PARD3B: variants seen among roughly 807,000 people sequenced by gnomAD.
PARD3B encodes par-3 family cell polarity regulator beta, also known as partitioning defective 3 homolog B.
In PARD3B, 103 loss-of-function variants were observed where a neutral mutation model predicts 130.2. That is an observed-to-expected ratio of 0.79 (90% CI 0.67 to 0.93). The LOEUF is 0.93. Among genes scored for constraint, PARD3B ranks in the 40% least tolerant of loss-of-function variants. The probability of loss-of-function intolerance (pLI) is 0.00; values close to 1 mark genes in which losing one functional copy is unlikely to be tolerated. For missense variants in PARD3B, 1,609 were observed against 1,499.2 expected (o/e 1.07, Z -1.21); for synonymous variants, 583 against 553.2 (o/e 1.05, Z -0.76).
chr2:205,275,837 CAAAAAAAAAAAAA>C (rs59238795), intron 16 of PARD3B, among the ~76,000 whole-genome samples: 6 of 60,652 alleles, frequency 9.9e-5, no homozygotes, highest in African/African-American at 1.9e-4. Flanking sequence ...AACTTTGTCT[CAAAAAAAAAAAAA>C]AAAAAAAAAA....
At chr2:205,275,421 C>T (rs1025257198) in intron 16 of PARD3B, among the ~76,000 whole-genome samples, 2 of 152,138 alleles carry the variant, frequency 1.3e-5, no homozygotes, top group African/African-American at 4.8e-5. Flanking sequence ...GGAGTCACCA[C>T]CCTCTTTAGA....
intron 1 of PARD3B, among the ~76,000 whole-genome samples, chr2:204,598,995 G>C (rs2033404776): frequency 6.6e-6 from 1 of 151,366 alleles, no homozygotes; most frequent in Non-Finnish European, 1.5e-5. Flanking sequence ...GAAGTTAATT[G>C]TTGCTCTATG....
intron 18 of PARD3B, among the ~76,000 whole-genome samples, chr2:205,346,972 C>T (rs2043818091): frequency 6.6e-6 from 1 of 151,922 alleles, no homozygotes; most frequent in African/African-American, 2.4e-5. Flanking sequence ...TGGCTGAACA[C>T]AGTGAGTACA....
rs901684663 is a variant in PARD3B at position 204,799,567 on chromosome 2, A to T, written c.222+113285A>T. On this transcript the variant is annotated intron_variant, in intron 2 of 22. Transcript: ENST00000406610. The surrounding 1 kb of genome is among the most constrained non-coding windows in gnomAD (Gnocchi z 4.1). The stretch of plus-strand genomic sequence containing the variant: ...TCACTGTGGGTCTTTGGAGAGACCC[A>T]GTGCTATGCTGGCTTCAGGTGTGAC... 5.9e-5 allele frequency among the ~76,000 whole-genome samples: 9 copies of T among 152,196 alleles called. No homozygotes were observed. Among genetic ancestry groups the T allele is most frequent in the African/African-American group, 2.2e-4 (9 of 41,458 alleles).
At chr2:205,044,544 C>G (rs1311253511) in intron 3 of PARD3B, among the ~76,000 whole-genome samples, 1 of 151,274 alleles carries the variant, frequency 6.6e-6, no homozygotes, top group African/African-American at 2.4e-5. Flanking sequence ...ATTTGCATTT[C>G]TCTGATGGCC....
intron 4 of PARD3B, among the ~76,000 whole-genome samples, chr2:205,068,542 T>C (rs1471679716): frequency 1.3e-5 from 2 of 151,212 alleles, no homozygotes; most frequent in East Asian, 3.9e-4. Context: ...TCCTTTATTT[T>C]AGTTTTAAGT....
Position 205,015,211 on chromosome 2 carries a change from GA to G in PARD3B, c.395-32364del, listed in dbSNP as rs1326147585. Among the ~76,000 whole-genome samples, 1 of 152,158 alleles carries G rather than the reference GA, an allele frequency of 6.6e-6. No homozygotes were observed. The highest frequency in any genetic ancestry group is 2.4e-5 in the African/African-American group (1 of 41,530). On this transcript the variant is annotated intron_variant, in intron 3 of 22. Transcript: ENST00000406610. The surrounding 1 kb of genome is among the most constrained non-coding windows in gnomAD (Gnocchi z 4.5). Reference sequence around the variant, plus strand: ...TTACAATAAAGTAAGCTAGAGGAAAGAAAAAATTATCAAGGAAATCATAAGG... The same window carrying G: ...TTACAATAAAGTAAGCTAGAGGAAAGAAAAATTATCAAGGAAATCATAAGG...
chr2:205,549,238 T>C (rs2052511727), intron 21 of PARD3B, among the ~76,000 whole-genome samples: 1 of 152,194 alleles, frequency 6.6e-6, no homozygotes, highest in African/African-American at 2.4e-5. Flanking sequence ...GGTGGTTTCT[T>C]GCGAAACTAA....
At position 205,066,881 on chromosome 2, in the gene PARD3B, G is replaced by A. The variant is rs142816454; in HGVS notation, c.504+19191G>A. Among the ~76,000 whole-genome samples the A allele has an allele frequency of 7.5e-3, 1,136 of 151,898 alleles. 14 individuals are homozygous for A. The highest frequency in any genetic ancestry group is 0.026 in the African/African-American group (1,080 of 41,424). On this transcript the variant is annotated intron_variant, in intron 4 of 22. Coordinates refer to ENST00000406610, the MANE Select transcript of PARD3B (RefSeq NM_001302769.2). ...TTCAGTTTTTCCTCATGTCTTTCAA[G>A]TGTCCAAAAATACCCTGGATGAGTT...
At chr2:205,519,662 T>G (rs1381592182) in intron 21 of PARD3B, among the ~76,000 whole-genome samples, 1 of 152,242 alleles carries the variant, frequency 6.6e-6, no homozygotes, top group African/African-American at 2.4e-5. Context: ...TCTGGCCATT[T>G]GAGTTACTGG....
At chr2:205,371,936 A>G (rs2044834329) in intron 18 of PARD3B, among the ~76,000 whole-genome samples, 2 of 152,208 alleles carry the variant, frequency 1.3e-5, no homozygotes, top group Middle Eastern at 3.4e-3. Context: ...GGCTTCTTTC[A>G]CTTAGCATAG....
chr2:204,826,291 A>G (rs1347554928), intron 2 of PARD3B, among the ~76,000 whole-genome samples: 1 of 152,176 alleles, frequency 6.6e-6, no homozygotes, highest in East Asian at 1.9e-4. Context: ...GAGCAGAGGT[A>G]CTGTTGTTTG....
intron 18 of PARD3B, among the ~76,000 whole-genome samples, chr2:205,345,111 CCTAAAG>C: frequency 6.6e-6 from 1 of 152,094 alleles, no homozygotes; most frequent in East Asian, 1.9e-4. Flanking sequence ...GGTTGAGATC[CCTAAAG>C]CAAAAGACAG....
At chr2:205,476,446 C>G (rs2049025212) in intron 20 of PARD3B, among the ~76,000 whole-genome samples, 1 of 152,106 alleles carries the variant, frequency 6.6e-6, no homozygotes, top group African/African-American at 2.4e-5. Flanking sequence ...GCATAAATTT[C>G]TGAGTAGCCT....
At chr2:204,988,387 G>A (rs1693361626) in intron 3 of PARD3B, among the ~76,000 whole-genome samples, 1 of 152,066 alleles carries the variant, frequency 6.6e-6, no homozygotes, top group African/African-American at 2.4e-5. Context: ...ATGGTTAATG[G>A]TATAAAAAAT....
chr2:204,706,073 T>C (rs2038133010), intron 2 of PARD3B, among the ~76,000 whole-genome samples: 1 of 152,164 alleles, frequency 6.6e-6, no homozygotes, highest in South Asian at 2.1e-4. Context: ...TAGTTTTGCA[T>C]GTCTTTGCAA....
chr2:204,971,011 T>C (rs1408601664), intron 3 of PARD3B, among the ~76,000 whole-genome samples: 1 of 152,240 alleles, frequency 6.6e-6, no homozygotes. Context: ...TATAATATCA[T>C]TATTTTCAAA....
At chr2:205,423,544 C>T (rs940559102) in intron 19 of PARD3B, among the ~76,000 whole-genome samples, 3 of 152,162 alleles carry the variant, frequency 2.0e-5, no homozygotes, top group East Asian at 1.9e-4. Flanking sequence ...ATGGTTTCTC[C>T]AGAACAAAGT....
At chr2:204,582,067 T>C (rs746988959) in intron 1 of PARD3B, among the ~76,000 whole-genome samples, 2 of 152,188 alleles carry the variant, frequency 1.3e-5, no homozygotes, top group Non-Finnish European at 2.9e-5. Context: ...TTTCATGTCA[T>C]GTCCTGGGGA....
Sources: gnomAD v4.1 joint callset for allele counts (sites outside exome capture counted in the v4.1 genomes callset) on GRCh38, gnomAD v4.1.1 for gene constraint, Gnocchi (gnomAD v3.1) non-coding constraint, MANE v1.5 for transcripts, NCBI Gene and HGNC (gene_info 2026-07-23, HGNC 2026-07-21) for gene names.